The following MPPED2 variants were observed in gnomAD, a reference collection of about 807,000 sequenced individuals.
The protein encoded by MPPED2 is metallophosphoesterase domain containing 2, also known as metallophosphoesterase MPPED2.
In MPPED2, 5 loss-of-function variants were observed where a neutral mutation model predicts 33.0. That is an observed-to-expected ratio of 0.15 (90% CI 0.08 to 0.32). The LOEUF is 0.32. Among genes scored for constraint, MPPED2 ranks in the 10% least tolerant of loss-of-function variants. MPPED2 has a pLI of 1.00. For missense variants in MPPED2, 275 were observed against 372.1 expected, an observed-to-expected ratio of 0.74 and a Z score of 2.15; for synonymous variants, 136 against 141.9, an observed-to-expected ratio of 0.96 and a Z score of 0.29.
intron 4 of MPPED2, chr11:30,425,701 G>C (rs1411455552): frequency 6.6e-6 from 1 of 152,168 alleles, no homozygotes; most frequent in East Asian, 1.9e-4. Context: ...CAAGGTACCA[G>C]GGTGCCTTCA....
chr11:30,421,083 C>G (rs944533476), intron 4 of MPPED2, among the ~76,000 whole-genome samples: 15 of 152,176 alleles, frequency 9.9e-5, no homozygotes, highest in African/African-American at 3.6e-4. Context: ...TAACAAGTCT[C>G]AAGCACACTC....
chr11:30,533,394 A>G (rs994276603), intron 3 of MPPED2, among the ~76,000 whole-genome samples: 36 of 152,140 alleles, frequency 2.4e-4, no homozygotes, highest in African/African-American at 8.4e-4. Context: ...TAGAGTAGAA[A>G]GCCAGAAATC....
In MPPED2 at chr11:30,417,550, A is replaced by G. The variant is rs1005311156; in HGVS notation, c.620T>C (p.Ile207Thr). The G allele has an allele frequency of 4.7e-5, 75 of 1,612,872 alleles. No individual in the cohort carries two copies. The highest frequency in any genetic ancestry group is 6.3e-5 in the Non-Finnish European group (74 of 1,179,214). Residue 207 changes from isoleucine to threonine, a missense_variant, in exon 5 of 7, where the codon ATT becomes ACT. By Grantham distance (89) the Ile-to-Thr change is moderately conservative. Coordinates refer to ENST00000358117, the MANE Select transcript of MPPED2 (RefSeq NM_001584.3). ...AGGTCCATGTGTCATGAGTATGTCA[A>G]TGCCCTCAGGGATGAGGTTCCACTT... ...LDKWNLIPEG[I>T]DILMTHGPPL...
intron 1 of MPPED2, among the ~76,000 whole-genome samples, chr11:30,583,004 C>CT (rs1957240491): frequency 6.6e-6 from 1 of 152,150 alleles, no homozygotes; most frequent in South Asian, 2.1e-4. Context: ...AGCTTCAAAA[C>CT]TTTCACAGCA....
At chr11:30,519,541 C>T (rs953232498) in intron 3 of MPPED2, among the ~76,000 whole-genome samples, 1 of 151,072 alleles carries the variant, frequency 6.6e-6, no homozygotes. Context: ...AGTGTAAAAT[C>T]ATAAAAAATG....
chr11:30,495,324 T>C lies in MPPED2; in HGVS notation c.508A>G (p.Lys170Glu). 1.2e-6 allele frequency: 2 copies of C among 1,613,922 alleles called. No homozygotes were observed. The highest frequency in any genetic ancestry group is 1.7e-6 in the Non-Finnish European group (2 of 1,179,786). Reference protein sequence around the residue: ...IYLQDSEVTVKGFRIYGAPWT... With the variant: ...IYLQDSEVTVEGFRIYGAPWT... Reference sequence around the variant, plus strand: ...GGTGCACCGTATATCCTGAATCCCTTCACTGTTACCTCCGAATCTTGTAAG... The same window carrying C: ...GGTGCACCGTATATCCTGAATCCCTCCACTGTTACCTCCGAATCTTGTAAG... Residue 170 changes from lysine to glutamate, a missense_variant, in exon 4 of 7, where the codon AAG (lysine) becomes GAG (glutamate). Coordinates refer to ENST00000358117, the MANE Select transcript of MPPED2 (RefSeq NM_001584.3).
At chr11:30,530,413 T>G (rs1954455319) in intron 3 of MPPED2, among the ~76,000 whole-genome samples, 1 of 152,176 alleles carries the variant, frequency 6.6e-6, no homozygotes. Context: ...CCAAGAGCAC[T>G]CATTATGCAC....
At chr11:30,422,804 C>T (rs1344798673) in intron 4 of MPPED2, among the ~76,000 whole-genome samples, 3 of 152,154 alleles carry the variant, frequency 2.0e-5, no homozygotes, top group Non-Finnish European at 4.4e-5. Flanking sequence ...TTTGAGCCTG[C>T]AACCTCTCCC....
At position 30,473,524 on chromosome 11, in the gene MPPED2, T is replaced by C. The variant is rs183208292; in HGVS notation, c.536+21772A>G. The stretch of plus-strand genomic sequence containing the variant: ...CCACTATGATGGGCAGCCTCTAAGA[T>C]GATGGGTAGCCTCTAAGATGTTCCC... On this transcript the variant is annotated intron_variant, in intron 4 of 6. Coordinates refer to ENST00000358117, the MANE Select transcript of MPPED2 (RefSeq NM_001584.3). Among the ~76,000 whole-genome samples, 7 of 152,254 alleles carry C rather than the reference T, an allele frequency of 4.6e-5. No homozygotes were observed. In the East Asian group the frequency reaches 1.4e-3, roughly 29 times the overall value.
At chr11:30,523,951 C>G (rs1954015304) in intron 3 of MPPED2, among the ~76,000 whole-genome samples, 3 of 151,984 alleles carry the variant, frequency 2.0e-5, no homozygotes, top group Admixed American at 2.0e-4. Context: ...TTGCTGTGGT[C>G]AAGAAGAGAG....
At chr11:30,487,394 A>G (rs1036544425) in intron 4 of MPPED2, among the ~76,000 whole-genome samples, 8 of 152,122 alleles carry the variant, frequency 5.3e-5, no homozygotes, top group Non-Finnish European at 1.2e-4. Flanking sequence ...TGCAACCTAT[A>G]CTTGCCTCCT....
chr11:30,416,903 C>T (rs370480695), intron 5 of MPPED2, among the ~76,000 whole-genome samples: 3 of 152,274 alleles, frequency 2.0e-5, no homozygotes, highest in South Asian at 2.1e-4. Context: ...CATAATGTGG[C>T]TCACTAGTGG....
At chr11:30,506,904 A>G (rs1339476394) in intron 3 of MPPED2, among the ~76,000 whole-genome samples, 1 of 152,234 alleles carries the variant, frequency 6.6e-6, no homozygotes, top group Non-Finnish European at 1.5e-5. Context: ...TGGAGGGTTG[A>G]CAGTGGAAAT....
At chr11:30,564,787 G>T (rs1185464478) in intron 2 of MPPED2, among the ~76,000 whole-genome samples, 1 of 152,112 alleles carries the variant, frequency 6.6e-6, no homozygotes, top group Non-Finnish European at 1.5e-5. Flanking sequence ...CTAACCAAGA[G>T]ACCAAAATGA....
chr11:30,514,866 A>G (rs1465666758), intron 3 of MPPED2, among the ~76,000 whole-genome samples: 11 of 152,182 alleles, frequency 7.2e-5, no homozygotes, highest in Non-Finnish European at 1.5e-4. Flanking sequence ...TCAGGAGGCC[A>G]TGGTGGGCAG....
At chr11:30,536,259 T>C (rs1954804251) in intron 2 of MPPED2, 84 bp from the exon 3 acceptor site, 2 of 1,207,066 alleles carry the variant, frequency 1.7e-6, no homozygotes, top group South Asian at 2.4e-5. Flanking sequence ...TTTATTATTA[T>C]TCGTGAATGC....
chr11:30,534,398 C>A (rs1954698836), intron 3 of MPPED2, among the ~76,000 whole-genome samples: 1 of 152,164 alleles, frequency 6.6e-6, no homozygotes, highest in Non-Finnish European at 1.5e-5. Flanking sequence ...GCGAAAAGAT[C>A]TGGATTTAGA....
At position 30,536,531 on chromosome 11, in the gene MPPED2, A is replaced by G. The variant is rs1439424302; in HGVS notation, c.129-356T>C. Among the ~76,000 whole-genome samples the G allele has an allele frequency of 5.3e-5, 8 of 152,306 alleles. No individual in the cohort carries two copies. The South Asian group carries it at 6.2e-4, about 12-fold the overall frequency. On this transcript the variant is annotated intron_variant, in intron 2 of 6. Transcript: ENST00000358117. ...AAAATTATGCTATTTCTCTCTCATCATGCTCCAATTGATCCCACTACTCAT... is the reference window on the plus strand; with the variant it reads ...AAAATTATGCTATTTCTCTCTCATCGTGCTCCAATTGATCCCACTACTCAT...
intron 6 of MPPED2, among the ~76,000 whole-genome samples, chr11:30,412,580 A>G (rs1948157639): frequency 6.6e-6 from 1 of 152,186 alleles, no homozygotes; most frequent in African/African-American, 2.4e-5. Context: ...GGAGAACTTA[A>G]TGAGGGTCAA....
Sources: allele counts gnomAD v4.1 joint callset (sites outside exome capture counted in the v4.1 genomes callset), GRCh38; gene constraint gnomAD v4.1.1; transcripts MANE v1.5; gene names NCBI Gene and HGNC (gene_info 2026-07-23, HGNC 2026-07-21).